Variants in CDK3 observed in about 807,000 individuals in gnomAD.
CDK3 encodes the protein cyclin-dependent kinase 3.
A neutral mutation model predicts 30.2 loss-of-function variants in CDK3; 24 were observed. That is an observed-to-expected ratio of 0.79 (90% CI 0.57 to 1.12). The LOEUF is 1.12. Ranked by LOEUF, CDK3 falls within the 50% of genes most tolerant of loss-of-function variation. CDK3 has a pLI of 0.00. For missense variants in CDK3, 345 were observed against 376.0 expected (o/e 0.92, Z 0.68); for synonymous variants, 158 against 154.2 (o/e 1.02, Z -0.18).
Position 76,001,390 on chromosome 17 carries a change from C to T in CDK3, c.-14-22C>T. On this transcript the variant is annotated intron_variant, in intron 1 of 7. Transcript: ENST00000448471. This position sits in a 1 kb window ranked among gnomAD's most constrained non-coding sequence, Gnocchi z 6.2. ...AGCGCTGGGCGTGGGGTGCAAATTG[C>T]CCGGTGCCTTCTGTTTCCCAGGCAG... 6.2e-7 allele frequency: 1 copy of T among 1,613,570 alleles called. No individual in the cohort carries two copies. Among genetic ancestry groups the T allele is most frequent in the African/African-American group, 1.3e-5 (1 of 75,006 alleles).
At position 76,001,887 on chromosome 17, in the gene CDK3, G is replaced by C. The variant is rs772030472; in HGVS notation, c.130G>C (p.Val44Leu). 1.1e-5 allele frequency: 17 copies of C among 1,613,348 alleles called. No individual in the cohort carries two copies. The highest frequency in any genetic ancestry group is 1.4e-5 in the Non-Finnish European group (17 of 1,179,428). ...KIRLDLEMEG[V>L]PSTAIREISL... ...TGTTTCTTGCAGGGAGATGGAGGGG[G>C]TCCCAAGCACTGCCATCAGGGAGAT... Residue 44 changes from valine (V) to leucine (L), a missense_variant, in exon 3 of 8, where the codon GTC (valine) becomes CTC (leucine). Val to Leu is a conservative substitution (Grantham distance 32, BLOSUM62 1). Transcript: ENST00000448471. This position sits in a 1 kb window ranked among gnomAD's most constrained non-coding sequence, Gnocchi z 6.2.
At chr17:76,003,122 G>A (rs971231359) in intron 6 of CDK3, 73 bp from the exon 7 acceptor site, 29 of 1,270,108 alleles carry the variant, frequency 2.3e-5, no homozygotes, top group Middle Eastern at 1.9e-4. Flanking sequence ...CCCTGGGTCT[G>A]GCCACTTATC....
intron 7 of CDK3, 99 bp downstream of exon 7, chr17:76,003,497 G>T: frequency 1.1e-6 from 1 of 942,836 alleles, no homozygotes; most frequent in East Asian, 2.5e-5. Context: ...CAAGGCCAGG[G>T]TCTCTTTCCT....
At position 76,002,383 on chromosome 17, in the gene CDK3, G is replaced by A. The variant is rs1198487165; in HGVS notation, c.451G>A (p.Ala151Thr). The change falls in exon 5 of 8, where the codon GCC becomes ACC. Residue 151 changes from alanine to threonine, a missense_variant. Physicochemically the swap from Ala to Thr is moderately conservative, Grantham distance 58 (BLOSUM62 0). Transcript: ENST00000448471. This position sits in a 1 kb window ranked among gnomAD's most constrained non-coding sequence, Gnocchi z 4.3. ...GCTGGCTGACTTCGGCCTGGCTCGC[G>A]CCTTCGGGGTGCCCCTGCGCACCTA... ...IKLADFGLAR[A>T]FGVPLRTYTH... 6 of 1,612,396 alleles carry A rather than the reference G, an allele frequency of 3.7e-6. No individual in the cohort carries two copies. The highest frequency in any genetic ancestry group is 1.7e-5 in the Admixed American group (1 of 59,988).
chr17:76,001,431 T>A lies in CDK3; in HGVS notation c.6T>A (p.Asp2Glu). 1 of 1,614,052 alleles carries A rather than the reference T, an allele frequency of 6.2e-7. No individual in the cohort carries two copies. The highest frequency in any genetic ancestry group is 8.5e-7 in the Non-Finnish European group (1 of 1,179,960). M[D>E]MFQKVEKIGE... ...TCCCAGGCAGCTCTGTGGCCATGGA[T>A]ATGTTCCAGAAGGTAGAGAAGATCG... The change falls in exon 2 of 8, where the codon GAT becomes GAA. Residue 2 changes from aspartate to glutamate, a missense_variant. By Grantham distance (45) the Asp-to-Glu change is conservative. Transcript: ENST00000448471. This position sits in a 1 kb window ranked among gnomAD's most constrained non-coding sequence, Gnocchi z 6.2.
chr17:76,002,398 C>CT lies in CDK3; in HGVS notation c.467dup (p.Arg157AlafsTer6). On this transcript the variant is annotated frameshift_variant, in exon 5 of 8. Coordinates refer to ENST00000448471, the MANE Select transcript of CDK3 (RefSeq NM_001258.4). LOFTEE classifies it high-confidence loss of function. This position sits in a 1 kb window ranked among gnomAD's most constrained non-coding sequence, Gnocchi z 4.3. ...CCTGGCTCGCGCCTTCGGGGTGCCC[C>CT]TGCGCACCTACACCCATGAGGTATT... 1 of 1,612,344 alleles carries CT rather than the reference C, an allele frequency of 6.2e-7. No individual in the cohort carries two copies. Among genetic ancestry groups the CT allele is most frequent in the Non-Finnish European group, 8.5e-7 (1 of 1,179,924 alleles).
chr17:76,000,876 TCTGCCCCCAGTGGCC>T lies in CDK3; in HGVS notation c.-102_-88del. 9.5e-7 allele frequency: 1 copy of T among 1,049,688 alleles called. No homozygotes were observed. The highest frequency in any genetic ancestry group is 1.2e-6 in the Non-Finnish European group (1 of 868,732). The allele number at this position is 1,049,688 out of a possible 1,614,324, so 65.0% of individuals were successfully genotyped here. On this transcript the variant is annotated 5_prime_UTR_variant, in exon 1 of 8. Transcript: ENST00000448471. The surrounding 1 kb of genome is among the most constrained non-coding windows in gnomAD (Gnocchi z 5.9). ...TTTAAGACCCTCCTGACCCCTGACC[TCTGCCCCCAGTGGCC>T]CTGGCCCCTGGGCAGCCCTTCCTGG...
Position 76,005,326 on chromosome 17 carries a change from G to A in CDK3, c.821G>A (p.Arg274Gln), listed in dbSNP as rs964985896. 3.7e-6 allele frequency: 6 copies of A among 1,613,816 alleles called. No homozygotes were observed. Among genetic ancestry groups the A allele is most frequent in the South Asian group, 1.1e-5 (1 of 91,082 alleles). ...CTCCTGCAGTATGACCCCAGCCAGC[G>A]GATCACAGCCAAGACTGCCCTGGCC... ...MQLLQYDPSQRITAKTALAHP... is the reference protein window; with the variant it reads ...MQLLQYDPSQQITAKTALAHP... Residue 274 changes from arginine (R) to glutamine (Q), a missense_variant, in exon 8 of 8, where the codon CGG (arginine) becomes CAG (glutamine). Coordinates refer to ENST00000448471, the MANE Select transcript of CDK3 (RefSeq NM_001258.4). The surrounding 1 kb of genome is among the most constrained non-coding windows in gnomAD (Gnocchi z 4.7).
chr17:76,001,307 C>T lies in CDK3; in HGVS notation c.-14-105C>T. On this transcript the variant is annotated intron_variant, in intron 1 of 7. Transcript: ENST00000448471. This position sits in a 1 kb window ranked among gnomAD's most constrained non-coding sequence, Gnocchi z 6.2. ...TAGGCCGTGGGCCTTGGGAGCTGGG[C>T]AGTCTGGGCTGGGCTGGGCTGGGCA... 2 of 1,541,142 alleles carry T rather than the reference C, an allele frequency of 1.3e-6. No individual in the cohort carries two copies. Among genetic ancestry groups the T allele is most frequent in the Non-Finnish European group, 8.7e-7 (1 of 1,147,168 alleles).
Position 76,005,752 on chromosome 17 carries a change from G to T in CDK3, c.*329G>T, listed in dbSNP as rs532227044. The T allele has an allele frequency of 4.1e-6, 1 of 241,056 alleles. No homozygotes were observed. The highest frequency in any genetic ancestry group is 9.6e-5 in the South Asian group (1 of 10,382). The allele number at this position is 241,056 out of a possible 1,614,324, so 14.9% of individuals were successfully genotyped here. On this transcript the variant is annotated 3_prime_UTR_variant, in exon 8 of 8. Transcript: ENST00000448471. The surrounding 1 kb of genome is among the most constrained non-coding windows in gnomAD (Gnocchi z 4.7). ...AGGCCCTCACCTGCCCTGCCTGCAGGGCCAGACCCTGAGGAAAGGGCGCCC... is the reference window on the plus strand; with the variant it reads ...AGGCCCTCACCTGCCCTGCCTGCAGTGCCAGACCCTGAGGAAAGGGCGCCC...
At position 76,001,562 on chromosome 17, in the gene CDK3, T is replaced by A; in HGVS notation, c.116+21T>A. 6.3e-7 allele frequency: 1 copy of A among 1,599,492 alleles called. No individual in the cohort carries two copies. Among genetic ancestry groups the A allele is most frequent in the Non-Finnish European group, 8.6e-7 (1 of 1,167,920 alleles). ...GATTTGTGAGTGCTGGGACGGCCCC[T>A]GAGTTACCCACCCTGGGCCATCACA... is the stretch of plus-strand genomic sequence containing the variant. On this transcript the variant is annotated intron_variant, in intron 2 of 7. Transcript: ENST00000448471. This position sits in a 1 kb window ranked among gnomAD's most constrained non-coding sequence, Gnocchi z 6.2.
chr17:76,004,039 C>A (rs563690016), intron 7 of CDK3, among the ~76,000 whole-genome samples: 2 of 151,748 alleles, frequency 1.3e-5, no homozygotes, highest in African/African-American at 4.8e-5. Flanking sequence ...CCACTGTGCC[C>A]GGCTGGGGCC....
At position 76,005,423 on chromosome 17, in the gene CDK3, A is replaced by T; in HGVS notation, c.918A>T (p.Ter306CysextTer48). ...RQYVLQRFRH[*>C] Reference sequence around the variant, plus strand: ...ATGTGCTGCAGCGATTCCGCCATTGAGAATGTCAAGGCCACACTCAGATCC... The same window carrying T: ...ATGTGCTGCAGCGATTCCGCCATTGTGAATGTCAAGGCCACACTCAGATCC... The change falls in exon 8 of 8, where the codon TGA becomes TGT. Residue 306 changes from the stop codon to cysteine, a stop_lost. Transcript: ENST00000448471. This position sits in a 1 kb window ranked among gnomAD's most constrained non-coding sequence, Gnocchi z 4.7. 1 of 1,612,484 alleles carries T rather than the reference A, an allele frequency of 6.2e-7. No homozygotes were observed. The highest frequency in any genetic ancestry group is 8.5e-7 in the Non-Finnish European group (1 of 1,179,030).
At chr17:76,004,993 C>T (rs1396185010) in intron 7 of CDK3, among the ~76,000 whole-genome samples, 1 of 152,190 alleles carries the variant, frequency 6.6e-6, no homozygotes, top group Non-Finnish European at 1.5e-5. Flanking sequence ...CAGTCCCCTG[C>T]TTCCTGATAC....
rs766526964 is a variant in CDK3, at chr17:76,001,942, A to C, written c.185A>C (p.Asn62Thr). 3 of 1,613,946 alleles carry C rather than the reference A, an allele frequency of 1.9e-6. No individual in the cohort carries two copies. Among genetic ancestry groups the C allele is most frequent in the Admixed American group, 1.7e-5 (1 of 60,006 alleles). The change falls in exon 3 of 8, where the codon AAC (asparagine) becomes ACC (threonine). Residue 62 changes from asparagine to threonine, a missense_variant. Physicochemically the swap from Asn to Thr is moderately conservative, Grantham distance 65 (BLOSUM62 0). Coordinates refer to ENST00000448471, the MANE Select transcript of CDK3 (RefSeq NM_001258.4). This position sits in a 1 kb window ranked among gnomAD's most constrained non-coding sequence, Gnocchi z 6.2. Reference sequence around the variant, plus strand: ...CTGCTCAAGGAACTGAAGCACCCCAACATCGTCCGGTGAGTTGGGGATTGA... The same window carrying C: ...CTGCTCAAGGAACTGAAGCACCCCACCATCGTCCGGTGAGTTGGGGATTGA... Reference protein sequence around the residue: ...ISLLKELKHPNIVRLLDVVHN... With the variant: ...ISLLKELKHPTIVRLLDVVHN...
Position 76,003,347 on chromosome 17 carries a change from A to G in CDK3, c.741A>G (p.Gly247=). Residue 247 remains glycine, a synonymous_variant, in exon 7 of 8, where the codon GGA becomes GGG. Coordinates refer to ENST00000448471, the MANE Select transcript of CDK3 (RefSeq NM_001258.4). ...GCTTCCCTAAGTGGACCAGGAAGGGACTGGAAGAGATTGTGCCCAATCTGG... is the reference window on the plus strand; with the variant it reads ...GCTTCCCTAAGTGGACCAGGAAGGGGCTGGAAGAGATTGTGCCCAATCTGG... The part of the protein sequence containing the change: ...KGSFPKWTRK[G]LEEIVPNLEP... 1 of 1,613,996 alleles carries G rather than the reference A, an allele frequency of 6.2e-7. No individual in the cohort carries two copies. The highest frequency in any genetic ancestry group is 8.5e-7 in the Non-Finnish European group (1 of 1,179,952).
At position 76,001,619 on chromosome 17, in the gene CDK3, C is replaced by G; in HGVS notation, c.116+78C>G. The stretch of plus-strand genomic sequence containing the variant: ...GCGCTCCCTGATCCGTTCCCTCTTT[C>G]CTGGAGTCCACGTTTAACTCCTCTG... On this transcript the variant is annotated intron_variant, in intron 2 of 7. Coordinates refer to ENST00000448471, the MANE Select transcript of CDK3 (RefSeq NM_001258.4). The surrounding 1 kb of genome is among the most constrained non-coding windows in gnomAD (Gnocchi z 6.2). 1 of 1,269,316 alleles carries G rather than the reference C, an allele frequency of 7.9e-7. No individual in the cohort carries two copies. Among genetic ancestry groups the G allele is most frequent in the Non-Finnish European group, 1.1e-6 (1 of 887,996 alleles). The allele number at this position is 1,269,316 out of a possible 1,614,324, so 78.6% of individuals were successfully genotyped here.
chr17:76,005,041 G>A lies in CDK3; in HGVS notation c.793-257G>A, dbSNP rs2066300115. On this transcript the variant is annotated intron_variant, in intron 7 of 7. Coordinates refer to ENST00000448471, the MANE Select transcript of CDK3 (RefSeq NM_001258.4). The surrounding 1 kb of genome is among the most constrained non-coding windows in gnomAD (Gnocchi z 4.7). ...GCTCTTCCCAACTAGAAGCAGGCTG[G>A]GACCTGGGACCCTCCCCGAGAAGGG... Among the ~76,000 whole-genome samples, 1 of 152,190 alleles carries A rather than the reference G, an allele frequency of 6.6e-6. No individual in the cohort carries two copies. The highest frequency in any genetic ancestry group is 2.4e-5 in the African/African-American group (1 of 41,444).
In CDK3 at chr17:76,002,064, G is replaced by A. The variant is rs778770257; in HGVS notation, c.237G>A (p.Val79=). The change falls in exon 4 of 8, where the codon GTG becomes GTA. Residue 79 remains valine, a synonymous_variant. Transcript: ENST00000448471. This position sits in a 1 kb window ranked among gnomAD's most constrained non-coding sequence, Gnocchi z 4.3. ...ACAACGAGAGGAAGCTCTATCTGGTGTTTGAGTTCCTCAGCCAGGACCTGA... is the reference window on the plus strand; with the variant it reads ...ACAACGAGAGGAAGCTCTATCTGGTATTTGAGTTCCTCAGCCAGGACCTGA... ...VVHNERKLYL[V]FEFLSQDLKK... 22 of 1,613,900 alleles carry A rather than the reference G, an allele frequency of 1.4e-5. No homozygotes were observed. Among genetic ancestry groups the A allele is most frequent in the Non-Finnish European group, 1.8e-5 (21 of 1,179,988 alleles).
Sources: allele counts gnomAD v4.1 joint callset (sites outside exome capture counted in the v4.1 genomes callset), GRCh38; gene constraint gnomAD v4.1.1; non-coding constraint Gnocchi (gnomAD v3.1); transcripts MANE v1.5; gene names NCBI Gene and HGNC (gene_info 2026-07-23, HGNC 2026-07-21).